ANK2: variants seen among roughly 807,000 people sequenced by gnomAD.
The protein encoded by ANK2 is ankyrin 2, also known as ankyrin-2.
ANK2 carries 83 observed loss-of-function variants against 360.5 expected under a neutral mutation model. The ratio of observed to expected loss-of-function variants is 0.23; its 90% CI spans 0.19 to 0.28. The LOEUF (loss-of-function observed/expected upper bound fraction) is 0.28. Ranked by LOEUF, ANK2 falls within the 10% of genes least tolerant of loss-of-function variation. The pLI, the probability that ANK2 is intolerant of heterozygous loss-of-function variation, is 1.00. For missense variants in ANK2, 4,201 were observed against 4,795.7 expected (o/e 0.88, Z 3.66); for synonymous variants, 1,740 against 1,759.5 (o/e 0.99, Z 0.28).
At chr4:113,319,084 G>A (rs750390110) in intron 26 of ANK2, among the ~76,000 whole-genome samples, 4 of 152,080 alleles carry the variant, frequency 2.6e-5, no homozygotes, top group Admixed American at 6.6e-5. Flanking sequence ...AATATATAGA[G>A]GAGTTTATAT....
In ANK2 at chr4:112,999,397, A is replaced by G. The variant is rs114011660; in HGVS notation, c.21+94883A>G. Among the ~76,000 whole-genome samples the G allele has an allele frequency of 7.8e-3, 1,191 of 152,246 alleles. 16 individuals are homozygous for G. The highest frequency in any genetic ancestry group is 0.027 in the African/African-American group (1,136 of 41,540). ...GCATGAGCTCTTTTTACATTAAGGA[A>G]ATGAAGATCAGAGAGATTAAATCAC... On this transcript the variant is annotated intron_variant, in intron 2 of 30. Transcript: ENST00000503271.
chr4:113,286,698 A>G (rs2064778210), intron 18 of ANK2, among the ~76,000 whole-genome samples: 1 of 152,202 alleles, frequency 6.6e-6, no homozygotes, highest in African/African-American at 2.4e-5. Flanking sequence ...ATGTCCAGGA[A>G]GAGCATAAAT....
At chr4:112,970,535 T>C (rs531656920) in intron 2 of ANK2, among the ~76,000 whole-genome samples, 2 of 152,232 alleles carry the variant, frequency 1.3e-5, no homozygotes, top group South Asian at 2.1e-4. Flanking sequence ...TTGTATTTTT[T>C]AGTAGAGATT....
At chr4:113,193,526 A>T (rs2098703655) in intron 2 of ANK2, among the ~76,000 whole-genome samples, 1 of 152,232 alleles carries the variant, frequency 6.6e-6, no homozygotes, top group Non-Finnish European at 1.5e-5. Flanking sequence ...GAACATGTAA[A>T]TGTGTCATTT....
intron 4 of ANK2, chr4:113,214,440 A>C: frequency 1.3e-6 from 1 of 795,186 alleles, no homozygotes; most frequent in Non-Finnish European, 2.2e-6. Context: ...TGTTTTATAC[A>C]GAAGTTATGA....
chr4:112,974,847 G>GAA (rs766021382), intron 2 of ANK2, among the ~76,000 whole-genome samples: 2 of 124,226 alleles, frequency 1.6e-5, no homozygotes. Flanking sequence ...TATAGAAAAA[G>GAA]AAAAAAAAAA....
At chr4:112,781,069 A>C in the ANK2 span, among the ~76,000 whole-genome samples, 2 of 152,072 alleles carry the variant, frequency 1.3e-5, no homozygotes, top group Non-Finnish European at 2.9e-5. Context: ...GTGTGATCAC[A>C]GCTCACCGCA....
At chr4:113,172,971 T>C (rs1200306382) in intron 1 of ANK2, among the ~76,000 whole-genome samples, 1 of 152,158 alleles carries the variant, frequency 6.6e-6, no homozygotes, top group African/African-American at 2.4e-5. Context: ...GCAGATATTC[T>C]TGGGGGCACT....
At chr4:112,802,202 G>A in the ANK2 span, among the ~76,000 whole-genome samples, 1,500 of 152,216 alleles carry the variant, frequency 9.9e-3, 22 homozygotes, top group African/African-American at 0.034. Flanking sequence ...GAGGAGGCTT[G>A]CAGGGTGGAA....
chr4:113,362,981 T>C (rs570574604), intron 39 of ANK2, among the ~76,000 whole-genome samples: 1 of 152,342 alleles, frequency 6.6e-6, no homozygotes, highest in African/African-American at 2.4e-5. Context: ...TTTTTTTCTT[T>C]TGTTATCAGT....
intron 1 of ANK2, among the ~76,000 whole-genome samples, chr4:112,866,587 T>C (rs956709819): frequency 6.6e-6 from 1 of 152,084 alleles, no homozygotes; most frequent in African/African-American, 2.4e-5. Context: ...ATAAGCAAAA[T>C]GAAGATAATA....
At chr4:113,360,953 G>A (rs2096178806) in intron 39 of ANK2, 56 bp downstream of exon 39, 5 of 1,475,606 alleles carry the variant, frequency 3.4e-6, no homozygotes, top group South Asian at 1.2e-5. Flanking sequence ...GCATCAGTCA[G>A]GTGTCATTCA....
At chr4:113,350,167 C>T in intron 36 of ANK2, 61 bp from the exon 37 acceptor site, 1 of 1,506,172 alleles carries the variant, frequency 6.6e-7, no homozygotes, top group East Asian at 2.3e-5. Context: ...TTTGTGCACA[C>T]CAGGGGCTAT....
intron 26 of ANK2, among the ~76,000 whole-genome samples, chr4:113,329,129 G>A (rs531804771): frequency 6.6e-6 from 1 of 152,302 alleles, no homozygotes; most frequent in South Asian, 2.1e-4. Flanking sequence ...AGTACACACA[G>A]TTTGTATGTC....
intron 7 of ANK2, among the ~76,000 whole-genome samples, chr4:113,239,333 G>C (rs1228185508): frequency 6.6e-6 from 1 of 152,012 alleles, no homozygotes; most frequent in Non-Finnish European, 1.5e-5. Context: ...CTTATTTAGG[G>C]TGTTTTTAAA....
chr4:112,888,861 T>C (rs62317088), intron 1 of ANK2, among the ~76,000 whole-genome samples: 6,849 of 152,306 alleles, frequency 0.045, 204 homozygotes, highest in Non-Finnish European at 0.074. Flanking sequence ...ACATGTATCA[T>C]GTCAGGACAG....
chr4:113,287,855 T>A, intron 19 of ANK2, 152 bp downstream of exon 19: 1 of 738,380 alleles, frequency 1.4e-6, no homozygotes, highest in Non-Finnish European at 2.4e-6. Flanking sequence ...TGCACAAATC[T>A]ATGGTGGCTC....
chr4:112,873,978 GTGATTTAATAAATAAACATT>G, intron 1 of ANK2, among the ~76,000 whole-genome samples: 1 of 151,956 alleles, frequency 6.6e-6, no homozygotes, highest in Non-Finnish European at 1.5e-5. Flanking sequence ...ATGTGTGAAA[GTGATTTAATAAATAAACATT>G]TGAGAAAGTT....
chr4:112,753,989 T>C, the ANK2 span, among the ~76,000 whole-genome samples: 1 of 151,310 alleles, frequency 6.6e-6, no homozygotes, highest in African/African-American at 2.4e-5. Context: ...TCCCAGCTAC[T>C]TGGGAGGCTG....
Sources: gnomAD v4.1 joint callset for allele counts (sites outside exome capture counted in the v4.1 genomes callset) on GRCh38, gnomAD v4.1.1 for gene constraint, MANE v1.5 for transcripts, NCBI Gene and HGNC (gene_info 2026-07-23, HGNC 2026-07-21) for gene names.